The following TSPAN11 variants were observed in gnomAD, a reference collection of about 807,000 sequenced individuals.
TSPAN11 encodes tetraspanin 11, also known as tetraspanin-11.
TSPAN11 carries 29 observed loss-of-function variants against 32.9 expected under a neutral mutation model. The ratio of observed to expected loss-of-function variants is 0.88; its 90% CI spans 0.66 to 1.20. The LOEUF is 1.20. Among genes scored for constraint, TSPAN11 ranks in the 50% most tolerant of loss-of-function variants. The pLI, the probability that TSPAN11 is intolerant of heterozygous loss-of-function variation, is 0.00. For synonymous variants in TSPAN11, 140 were observed against 141.3 expected (o/e 0.99, Z 0.07); for missense variants, 283 against 329.1 (o/e 0.86, Z 1.08).
downstream of TSPAN11, among the ~76,000 whole-genome samples, chr12:30,999,764 G>A (rs981644702): frequency 2.0e-5 from 3 of 152,080 alleles, no homozygotes; most frequent in Non-Finnish European, 4.4e-5. Context: ...TTGGACATGG[G>A]TAAGTTCCAG....
chr12:30,947,351 C>G (rs1477134451), intron 1 of TSPAN11, among the ~76,000 whole-genome samples: 1 of 152,128 alleles, frequency 6.6e-6, no homozygotes, highest in Non-Finnish European at 1.5e-5. Context: ...GGTTTTGGAG[C>G]CTTTCACAGT....
In TSPAN11 at chr12:30,995,092, A is replaced by C. The variant is rs1939391108; in HGVS notation, c.*3177A>C. 1 of 152,276 alleles carries C rather than the reference A, an allele frequency of 6.6e-6. No individual in the cohort carries two copies. The highest frequency in any genetic ancestry group is 2.1e-4 in the South Asian group (1 of 4,834). The allele number at this position is 152,276 out of a possible 1,614,324, so 9.4% of individuals were successfully genotyped here. A position where few individuals can be genotyped will look rare whatever the true frequency, so the allele number is the denominator to read the frequency against. On this transcript the variant is annotated 3_prime_UTR_variant, in exon 8 of 8. Transcript: ENST00000546076. ...GCTGACAGCTGGACCCTCTGGGTGC[A>C]GGGGCTCAGGCAGTGGCCAAGAGCC...
chr12:30,951,631 T>G (rs963444802), intron 1 of TSPAN11, among the ~76,000 whole-genome samples: 1 of 152,230 alleles, frequency 6.6e-6, no homozygotes, highest in African/African-American at 2.4e-5. Flanking sequence ...TGTAAAGCAC[T>G]TAGTTCTGTA....
chr12:30,973,983 GCCTCATGGAATTC>G (rs1363591105), intron 3 of TSPAN11, among the ~76,000 whole-genome samples: 8 of 152,296 alleles, frequency 5.3e-5, no homozygotes, highest in Middle Eastern at 6.8e-3. Context: ...GTTGTACCTG[GCCTCATGGAATTC>G]CCTCATGGAA....
intron 5 of TSPAN11, among the ~76,000 whole-genome samples, chr12:30,980,947 G>C (rs1305700715): frequency 6.6e-6 from 1 of 152,204 alleles, no homozygotes; most frequent in East Asian, 1.9e-4. Context: ...GGGGAAGCTG[G>C]ACACACAGCA....
rs1939117672 is a variant in TSPAN11 at position 30,982,654 on chromosome 12, C to T, written c.579C>T (p.Gly193=). ...SCCKTVVVRC[G]QRAHPSNIYK... ...GCAAGACAGTGGTGGTGCGCTGCGG[C>T]CAGCGGGCCCACCCCTCCAACATCT... Residue 193 remains glycine, a synonymous_variant, in exon 6 of 8, where the codon GGC becomes GGT. Coordinates refer to ENST00000546076, the MANE Select transcript of TSPAN11 (RefSeq NM_001370302.1). 6.2e-7 allele frequency: 1 copy of T among 1,601,948 alleles called. No homozygotes were observed. Among genetic ancestry groups the T allele is most frequent in the Non-Finnish European group, 8.5e-7 (1 of 1,174,392 alleles).
the TSPAN11 span, among the ~76,000 whole-genome samples, chr12:31,003,535 C>T: frequency 6.6e-6 from 1 of 152,138 alleles, no homozygotes; most frequent in Non-Finnish European, 1.5e-5. Flanking sequence ...TTCAGGGAGG[C>T]CACACATCTC....
intron 3 of TSPAN11, among the ~76,000 whole-genome samples, chr12:30,977,312 G>C (rs777449376): frequency 6.9e-6 from 1 of 144,648 alleles, no homozygotes; most frequent in Non-Finnish European, 1.6e-5. Flanking sequence ...ACCCGCCACC[G>C]TATCCCCCCT....
chr12:30,955,037 C>CT (rs1412035909), intron 2 of TSPAN11: 2 of 152,156 alleles, frequency 1.3e-5, no homozygotes, highest in Non-Finnish European at 2.9e-5. Context: ...GGGGACATGT[C>CT]TGAGTTTTCA....
At chr12:30,984,158 G>C (rs1939153318) in intron 7 of TSPAN11, among the ~76,000 whole-genome samples, 1 of 152,218 alleles carries the variant, frequency 6.6e-6, no homozygotes, top group Non-Finnish European at 1.5e-5. Flanking sequence ...AGTGTGGGCT[G>C]TCCTTCTAGG....
chr12:30,933,829 G>T (rs1277179119), intron 1 of TSPAN11, among the ~76,000 whole-genome samples: 1 of 152,128 alleles, frequency 6.6e-6, no homozygotes, highest in African/African-American at 2.4e-5. Flanking sequence ...TGAGCTCTTG[G>T]TTCAGATTGA....
At chr12:31,000,518 A>G (rs1005721145), downstream of TSPAN11, among the ~76,000 whole-genome samples, 1 of 152,250 alleles carries the variant, frequency 6.6e-6, no homozygotes, top group Non-Finnish European at 1.5e-5. Context: ...TAAAATAGGC[A>G]TTATTCTCAT....
intron 6 of TSPAN11, 94 bp downstream of exon 6, chr12:30,982,784 G>T: frequency 6.8e-7 from 1 of 1,468,058 alleles, no homozygotes; most frequent in Non-Finnish European, 9.1e-7. Flanking sequence ...GTGGGTGTGG[G>T]AAAAGCAGGA....
chr12:30,982,073 C>T (rs1939103207), intron 5 of TSPAN11, among the ~76,000 whole-genome samples: 2 of 152,178 alleles, frequency 1.3e-5, no homozygotes, highest in African/African-American at 4.8e-5. Context: ...GGCTCTGAGA[C>T]TTCAAAGCCT....
chr12:30,998,781 C>T (rs538412802), downstream of TSPAN11: 4 of 152,292 alleles, frequency 2.6e-5, no homozygotes, highest in Middle Eastern at 3.4e-3. Flanking sequence ...GAGCAACTTC[C>T]GCTGGACTTT....
chr12:30,984,756 C>T (rs527704676), intron 7 of TSPAN11, among the ~76,000 whole-genome samples: 149 of 152,120 alleles, frequency 9.8e-4, no homozygotes, highest in Non-Finnish European at 2.1e-3. Context: ...TGAGGTTTCA[C>T]CATGTTGTCC....
rs1939358845 is a variant in TSPAN11, at chr12:30,993,533, A to T, written c.*1618A>T. 1 of 152,216 alleles carries T rather than the reference A, an allele frequency of 6.6e-6. No homozygotes were observed. The highest frequency in any genetic ancestry group is 2.1e-4 in the South Asian group (1 of 4,832). The allele number at this position is 152,216 out of a possible 1,614,324, so 9.4% of individuals were successfully genotyped here. A position where few individuals can be genotyped will look rare whatever the true frequency, so the allele number is the denominator to read the frequency against. ...TGGGTGTTCTCCAGTGGCTTCTTGG[A>T]GCCTAGGCTGGTTTATCTCCCCTGC... On this transcript the variant is annotated 3_prime_UTR_variant, in exon 8 of 8. Transcript: ENST00000546076.
At chr12:30,964,081 C>A in intron 3 of TSPAN11, 64 bp downstream of exon 3, 1 of 1,556,392 alleles carries the variant, frequency 6.4e-7, no homozygotes, top group Non-Finnish European at 8.7e-7. Flanking sequence ...AGGTTTCCAG[C>A]AAGTGAGAGG....
At chr12:30,957,915 G>T (rs1318015921) in intron 2 of TSPAN11, among the ~76,000 whole-genome samples, 1 of 140,966 alleles carries the variant, frequency 7.1e-6, no homozygotes, top group Non-Finnish European at 1.5e-5. Flanking sequence ...GTAGCCCTCT[G>T]CTAGGGATAT....
Sources: gnomAD v4.1 joint callset for allele counts (sites outside exome capture counted in the v4.1 genomes callset) on GRCh38, gnomAD v4.1.1 for gene constraint, MANE v1.5 for transcripts, NCBI Gene and HGNC (gene_info 2026-07-23, HGNC 2026-07-21) for gene names.